The following LPP variants were observed in gnomAD, a reference collection of about 807,000 sequenced individuals.
LPP encodes LIM domain containing preferred translocation partner in lipoma.
Under a neutral mutation model 60.4 loss-of-function variants are expected in LPP, and 38 were observed. The observed-to-expected ratio is 0.63, with a 90% CI of 0.49 to 0.83. The LOEUF is 0.83. Among genes scored for constraint, LPP ranks in the 40% least tolerant of loss-of-function variants. The probability of loss-of-function intolerance (pLI) is 0.00; values close to 1 mark genes in which losing one functional copy is unlikely to be tolerated. For synonymous variants in LPP, 328 were observed against 290.8 expected, an observed-to-expected ratio of 1.13 and a Z score of -1.30; for missense variants, 902 against 783.6, an observed-to-expected ratio of 1.15 and a Z score of -1.80.
chr3:188,665,120 GT>G (rs1855480471), intron 7 of LPP, among the ~76,000 whole-genome samples: 1 of 152,198 alleles, frequency 6.6e-6, no homozygotes, highest in East Asian at 1.9e-4. Context: ...ATTGTTTTAT[GT>G]TTTCTGTTGC....
intron 7 of LPP, among the ~76,000 whole-genome samples, chr3:188,669,057 G>C (rs1278261273): frequency 1.3e-5 from 2 of 152,112 alleles, no homozygotes; most frequent in African/African-American, 4.8e-5. Context: ...CTTGTGTATA[G>C]AGTACTAAAG....
intron 11 of LPP, 115 bp from the exon 12 acceptor site, chr3:188,874,236 G>A: frequency 2.4e-6 from 2 of 837,858 alleles, no homozygotes; most frequent in Non-Finnish European, 3.7e-6. Context: ...AAGCAGGAAG[G>A]ATAGTAAGTG....
At chr3:188,494,647 A>T (rs572363688) in intron 5 of LPP, among the ~76,000 whole-genome samples, 1 of 152,026 alleles carries the variant, frequency 6.6e-6, no homozygotes. Context: ...TGAGGAGTTC[A>T]TCACAGAAAA....
intron 9 of LPP, among the ~76,000 whole-genome samples, chr3:188,855,934 A>G (rs1340668389): frequency 6.6e-6 from 1 of 152,126 alleles, no homozygotes; most frequent in East Asian, 1.9e-4. Flanking sequence ...GTAACCATCT[A>G]TGTCAGCAAT....
chr3:188,379,299 G>C (rs565963689), intron 3 of LPP, among the ~76,000 whole-genome samples: 6 of 152,150 alleles, frequency 3.9e-5, no homozygotes, highest in Non-Finnish European at 7.4e-5. Flanking sequence ...AGGGGGCTTG[G>C]TGGAAGTAGT....
intron 7 of LPP, among the ~76,000 whole-genome samples, chr3:188,675,237 C>G (rs557223392): frequency 6.6e-6 from 1 of 152,236 alleles, no homozygotes; most frequent in South Asian, 2.1e-4. Flanking sequence ...GTGTGTCAAG[C>G]CAGTGTGGGC....
In LPP at chr3:188,878,140, T is replaced by C. The variant is rs1769467667; in HGVS notation, c.*3661T>C. 4.5e-6 allele frequency: 1 copy of C among 220,470 alleles called. No individual in the cohort carries two copies. The highest frequency in any genetic ancestry group is 9.1e-6 in the Non-Finnish European group (1 of 109,842). The allele number at this position is 220,470 out of a possible 1,614,324, so 13.7% of individuals were successfully genotyped here. A position where few individuals can be genotyped will look rare whatever the true frequency, so the allele number is the denominator to read the frequency against. ...CTGAAAACACAACTTCCAGCCATTT[T>C]TTTAGTTAGTAAAAATCCTATTAAT... On this transcript the variant is annotated 3_prime_UTR_variant, in exon 12 of 12. Transcript: ENST00000617246.
chr3:188,462,642 T>C (rs998400281), intron 4 of LPP, among the ~76,000 whole-genome samples: 1 of 141,692 alleles, frequency 7.1e-6, no homozygotes, highest in Non-Finnish European at 1.5e-5. Flanking sequence ...GTGTTACTTT[T>C]TTGGGTGTTT....
chr3:188,256,200 C>A (rs1731612074), intron 2 of LPP, among the ~76,000 whole-genome samples: 1 of 151,958 alleles, frequency 6.6e-6, no homozygotes, highest in Non-Finnish European at 1.5e-5. Context: ...TAAGAACTTT[C>A]AAATAGTTAA....
chr3:188,791,818 T>C (rs2151027207), intron 9 of LPP, among the ~76,000 whole-genome samples: 1 of 152,298 alleles, frequency 6.6e-6, no homozygotes, highest in East Asian at 1.9e-4. Context: ...TCTCACTTCA[T>C]AGCACCTGTT....
At chr3:188,665,514 C>T (rs565322492) in intron 7 of LPP, among the ~76,000 whole-genome samples, 1 of 143,224 alleles carries the variant, frequency 7.0e-6, no homozygotes, top group Non-Finnish European at 1.5e-5. Flanking sequence ...GGCTGGAGTG[C>T]AGTGGTACAA....
At chr3:188,452,311 A>T (rs886335584) in intron 4 of LPP, among the ~76,000 whole-genome samples, 3 of 152,120 alleles carry the variant, frequency 2.0e-5, no homozygotes, top group African/African-American at 7.2e-5. Flanking sequence ...TCTGTGAAGA[A>T]GTGCTTTAAA....
At chr3:188,807,118 T>TC (rs77932186) in intron 9 of LPP, among the ~76,000 whole-genome samples, 1 of 121,474 alleles carries the variant, frequency 8.2e-6, no homozygotes, top group African/African-American at 3.7e-5. Context: ...AGTAGAGAAT[T>TC]GGTTGGCCTT....
At chr3:188,510,869 G>T (rs931608579) in intron 5 of LPP, among the ~76,000 whole-genome samples, 3 of 152,018 alleles carry the variant, frequency 2.0e-5, no homozygotes, top group Admixed American at 6.6e-5. Flanking sequence ...TCTCTATTCA[G>T]CTACTTTCTC....
intron 6 of LPP, among the ~76,000 whole-genome samples, chr3:188,545,066 G>A (rs1425564573): frequency 1.1e-5 from 1 of 92,884 alleles, no homozygotes; most frequent in African/African-American, 4.4e-5. Flanking sequence ...AGATCACATG[G>A]ACACAGGAAG....
intron 1 of LPP, among the ~76,000 whole-genome samples, chr3:188,192,597 C>A (rs531437757): frequency 6.6e-6 from 1 of 152,306 alleles, no homozygotes; most frequent in South Asian, 2.1e-4. Flanking sequence ...TTCACTCATT[C>A]TACAGGTTAA....
At chr3:188,333,083 A>T (rs1421526027) in intron 2 of LPP, among the ~76,000 whole-genome samples, 1 of 152,228 alleles carries the variant, frequency 6.6e-6, no homozygotes, top group Non-Finnish European at 1.5e-5. Flanking sequence ...ATAACAATGT[A>T]AGTACATAAA....
chr3:188,742,182 TACACTGCA>T (rs1453164401), intron 8 of LPP, among the ~76,000 whole-genome samples: 2 of 152,264 alleles, frequency 1.3e-5, no homozygotes, highest in African/African-American at 2.4e-5. Flanking sequence ...GAAATTCTCA[TACACTGCA>T]GTTGAGGATG....
intron 7 of LPP, among the ~76,000 whole-genome samples, chr3:188,665,429 CAG>C (rs1855546518): frequency 6.7e-6 from 1 of 149,382 alleles, no homozygotes; most frequent in Admixed American, 6.7e-5. Flanking sequence ...CCTCTCTAAA[CAG>C]AGCAAACATA....
Sources: gnomAD v4.1 joint callset for allele counts (sites outside exome capture counted in the v4.1 genomes callset) on GRCh38, gnomAD v4.1.1 for gene constraint, MANE v1.5 for transcripts, NCBI Gene and HGNC (gene_info 2026-07-23, HGNC 2026-07-21) for gene names.